The following PNMA6E variants were observed in gnomAD, a reference collection of about 807,000 sequenced individuals.
PNMA6E encodes the protein PNMA family member 6E.
For synonymous variants in PNMA6E, 43 were observed against 17.1 expected, an observed-to-expected ratio of 2.52 and a Z score of -3.74; for missense variants, 78 against 50.8, an observed-to-expected ratio of 1.53 and a Z score of -1.63.
the PNMA6E span, among the ~76,000 whole-genome samples, chrX:153,410,102 G>A: frequency 9.0e-6 from 1 of 111,000 alleles, no homozygotes; most frequent in African/African-American, 3.3e-5. Context: ...TGGCTCTGGG[G>A]GTGGATCCAC....
At chrX:153,411,755 C>T in the PNMA6E span, among the ~76,000 whole-genome samples, 1 of 112,569 alleles carries the variant, frequency 8.9e-6, no homozygotes, top group Non-Finnish European at 1.9e-5. Context: ...GTAAGGGGCC[C>T]GTCTCGGCAG....
upstream of PNMA6E, among the ~76,000 whole-genome samples, chrX:153,406,195 A>C: frequency 8.9e-6 from 1 of 112,618 alleles, no homozygotes; most frequent in Non-Finnish European, 1.9e-5. Context: ...CGGGGAGGGG[A>C]GCATTTAAAG....
upstream of PNMA6E, among the ~76,000 whole-genome samples, chrX:153,404,625 G>A (rs1569529193): frequency 8.9e-6 from 1 of 111,985 alleles, no homozygotes; most frequent in Non-Finnish European, 1.9e-5. Context: ...CCACGGTATT[G>A]GGCATCAGCT....
At chrX:153,399,502 C>T (rs1343408519) in intron 1 of PNMA6E, among the ~76,000 whole-genome samples, 2 of 111,069 alleles carry the variant, frequency 1.8e-5, no homozygotes, top group Admixed American at 9.6e-5. Context: ...CATGCTAACA[C>T]ACGTGGTTAA....
chrX:153,402,531 C>T (rs1556971586), upstream of PNMA6E, among the ~76,000 whole-genome samples: 2 of 111,440 alleles, frequency 1.8e-5, no homozygotes, highest in Non-Finnish European at 3.8e-5. Context: ...ATGTTATAAA[C>T]CCTATAATAC....
upstream of PNMA6E, among the ~76,000 whole-genome samples, chrX:153,405,162 C>A (rs186339847): frequency 3.7e-4 from 41 of 112,258 alleles, no homozygotes; most frequent in Non-Finnish European, 6.6e-4. Context: ...GACCCTAAGC[C>A]GGAACCTCCC....
Position 153,396,203 on chromosome X carries a change from A to G in PNMA6E, c.*703T>C, listed in dbSNP as rs1287034964. 2 of 122,396 alleles carry G rather than the reference A, an allele frequency of 1.6e-5. No individual in the cohort carries two copies. Among genetic ancestry groups the G allele is most frequent in the African/African-American group, 6.5e-5 (2 of 30,681 alleles). 10.1% of individuals were successfully genotyped at this position (122,396 alleles called of 1,213,427 possible). A position where few individuals can be genotyped will look rare whatever the true frequency, so the allele number is the denominator to read the frequency against. On this transcript the variant is annotated 3_prime_UTR_variant, in exon 2 of 2. Coordinates refer to ENST00000445091, the MANE Select transcript of PNMA6E (RefSeq NM_001367770.1). ...CCGGGGAGAGGCTGCTCAGAGAAGA[A>G]CACACGCAGCTCCACGAGAACAAGC...
chrX:153,399,940 A>G (rs1396717092), intron 1 of PNMA6E, among the ~76,000 whole-genome samples: 6 of 112,368 alleles, frequency 5.3e-5, no homozygotes, highest in African/African-American at 1.9e-4. Flanking sequence ...AGTTTGAAAT[A>G]TCTTGTAAGT....
the PNMA6E span, among the ~76,000 whole-genome samples, chrX:153,413,132 C>T: frequency 1.8e-5 from 2 of 110,978 alleles, no homozygotes; most frequent in African/African-American, 3.3e-5. Context: ...TCCCCCAGGA[C>T]GGAAGAAACC....
At chrX:153,407,781 A>G in the PNMA6E span, among the ~76,000 whole-genome samples, 1 of 112,115 alleles carries the variant, frequency 8.9e-6, no homozygotes, top group Admixed American at 9.4e-5. Context: ...ATGCAGCTGC[A>G]CATGTGTTCC....
chrX:153,413,102 T>C, the PNMA6E span, among the ~76,000 whole-genome samples: 2 of 110,873 alleles, frequency 1.8e-5, no homozygotes, highest in Non-Finnish European at 1.9e-5. Context: ...GGAAAGCTGA[T>C]GGGGCTGAGA....
At chrX:153,407,352 C>T in the PNMA6E span, among the ~76,000 whole-genome samples, 1 of 111,028 alleles carries the variant, frequency 9.0e-6, no homozygotes, top group Non-Finnish European at 1.9e-5. Flanking sequence ...CAGCCATTCC[C>T]CCTCTTTTTT....
chrX:153,408,101 G>A, the PNMA6E span, among the ~76,000 whole-genome samples: 1 of 112,719 alleles, frequency 8.9e-6, no homozygotes, highest in Non-Finnish European at 1.9e-5. Context: ...AAACAGTTGT[G>A]ATCAGACTGG....
chrX:153,396,892 G>A lies in PNMA6E; in HGVS notation c.*14C>T, dbSNP rs782682581. On this transcript the variant is annotated 3_prime_UTR_variant, in exon 2 of 2. Transcript: ENST00000445091. ...GCTGCCTGAGAGGAGAGGAGGCCCC[G>A]GGGCCCTAGGAGCCTATTTGCCCTG... 128 of 296,357 alleles carry A rather than the reference G, an allele frequency of 4.3e-4. No individual in the cohort carries two copies. Among genetic ancestry groups the A allele is most frequent in the African/African-American group, 1.6e-3 (59 of 36,672 alleles). The allele number at this position is 296,357 out of a possible 1,213,427, so 24.4% of individuals were successfully genotyped here.
chrX:153,401,730 ATGTTT>A (rs782346233), upstream of PNMA6E, among the ~76,000 whole-genome samples: 110 of 106,009 alleles, frequency 1.0e-3, no homozygotes, highest in African/African-American at 3.1e-3. Flanking sequence ...AAAAGATCCT[ATGTTT>A]TGTTTTGTTT....
intron 1 of PNMA6E, among the ~76,000 whole-genome samples, chrX:153,401,009 C>T (rs2088846824): frequency 1.8e-5 from 2 of 111,095 alleles, no homozygotes; most frequent in African/African-American, 6.5e-5. Context: ...CTCAGCCCTC[C>T]TTCCAACCGC....
chrX:153,410,540 G>A, the PNMA6E span, among the ~76,000 whole-genome samples: 1 of 112,362 alleles, frequency 8.9e-6, no homozygotes, highest in African/African-American at 3.2e-5. Flanking sequence ...TGGGGGCCCT[G>A]CTCCCTGCAA....
rs1198157768 is a variant in PNMA6E, at chrX:153,397,225, G to T, written c.1625C>A (p.Ala542Asp). Residue 542 changes from alanine (A) to aspartate (D), a missense_variant, in exon 2 of 2, where the codon GCC becomes GAC. Coordinates refer to ENST00000445091, the MANE Select transcript of PNMA6E (RefSeq NM_001367770.1). ...AGPGAEDAAEAASATKEAARG... is the reference protein window; with the variant it reads ...AGPGAEDAAEDASATKEAARG... Reference sequence around the variant, plus strand: ...TGCAGCCTCTTTGGTGGCAGAAGCGGCCTCGGCAGCATCTTCTGCTCCGGG... The same window carrying T: ...TGCAGCCTCTTTGGTGGCAGAAGCGTCCTCGGCAGCATCTTCTGCTCCGGG... 9 of 296,928 alleles carry T rather than the reference G, an allele frequency of 3.0e-5. No homozygotes were observed. Among genetic ancestry groups the T allele is most frequent in the Non-Finnish European group, 5.3e-5 (9 of 170,182 alleles). The allele number at this position is 296,928 out of a possible 1,213,427, so 24.5% of individuals were successfully genotyped here.
At chrX:153,412,280 G>A in the PNMA6E span, among the ~76,000 whole-genome samples, 7 of 112,255 alleles carry the variant, frequency 6.2e-5, no homozygotes, top group African/African-American at 1.9e-4. Flanking sequence ...GGGCAAGGGT[G>A]AGAGAAGGAG....
Sources: gnomAD v4.1 joint callset for allele counts (sites outside exome capture counted in the v4.1 genomes callset) on GRCh38, gnomAD v4.1.1 for gene constraint, MANE v1.5 for transcripts, NCBI Gene and HGNC (gene_info 2026-07-23, HGNC 2026-07-21) for gene names.